LOXHD1: variants seen among roughly 807,000 people sequenced by gnomAD.
The protein encoded by LOXHD1 is lipoxygenase homology PLAT domains 1.
In LOXHD1, 205 loss-of-function variants were observed where a neutral mutation model predicts 248.2. The ratio of observed to expected loss-of-function variants is 0.83; its 90% confidence interval spans 0.74 to 0.93. The LOEUF (loss-of-function observed/expected upper bound fraction) is 0.93. Ranked by LOEUF, LOXHD1 falls within the 40% of genes least tolerant of loss-of-function variation. LOXHD1 has a pLI of 0.00. For synonymous variants in LOXHD1, 1,113 were observed against 1,162.8 expected (o/e 0.96, Z 0.87); for missense variants, 2,930 against 2,971.6 (o/e 0.99, Z 0.33).
At position 46,477,893 on chromosome 18, in the gene LOXHD1, A is replaced by G. The variant is rs753481464; in HGVS notation, c.6401T>C (p.Val2134Ala). 23 of 1,551,368 alleles carry G rather than the reference A, an allele frequency of 1.5e-5. No homozygotes were observed. The African/African-American group carries it at 3.0e-4, about 20-fold the overall frequency. The change falls in exon 41 of 41, where the codon GTA becomes GCA. Residue 2134 changes from valine (V) to alanine (A), a missense_variant. Physicochemically the swap from Val to Ala is moderately conservative, Grantham distance 64. Coordinates refer to ENST00000642948, the MANE Select transcript of LOXHD1 (RefSeq NM_001384474.1). ...PLKRKRKYFK[V>A]FEVTKTTESF... ...CTCTGTCGTCTTGGTAACCTCGAAT[A>G]CCTTGAAGTACTTCCTCTTCCTCTT...
chr18:46,614,739 A>AATAAATAT (rs1238043211), intron 5 of LOXHD1, among the ~76,000 whole-genome samples: 6 of 151,426 alleles, frequency 4.0e-5, no homozygotes, highest in Admixed American at 6.6e-5. Context: ...TAAATAAATA[A>AATAAATAT]ATAAATAACT....
intron 37 of LOXHD1, among the ~76,000 whole-genome samples, chr18:46,501,281 G>T (rs2034213504): frequency 6.6e-6 from 1 of 152,222 alleles, no homozygotes; most frequent in South Asian, 2.1e-4. Context: ...CTCAGATGAG[G>T]CTGAACAAGG....
intron 12 of LOXHD1, among the ~76,000 whole-genome samples, chr18:46,583,904 C>T (rs574609450): frequency 2.0e-5 from 3 of 151,966 alleles, no homozygotes; most frequent in Non-Finnish European, 2.9e-5. Context: ...ATGTTTATTG[C>T]ATCATCACTA....
chr18:46,492,170 T>C (rs1479012453), intron 37 of LOXHD1, among the ~76,000 whole-genome samples: 20 of 152,132 alleles, frequency 1.3e-4, no homozygotes, highest in Non-Finnish European at 2.9e-5. Flanking sequence ...AGCAGGATAG[T>C]AGAGAGTAGA....
At chr18:46,566,608 C>T (rs1402360019) in intron 16 of LOXHD1, among the ~76,000 whole-genome samples, 159 bp from the exon 17 acceptor site, 2 of 152,186 alleles carry the variant, frequency 1.3e-5, no homozygotes, top group African/African-American at 4.8e-5. Context: ...ATTCCTGCCC[C>T]ACCATCAGCC....
intron 38 of LOXHD1, among the ~76,000 whole-genome samples, chr18:46,487,808 C>A (rs895303669): frequency 8.5e-5 from 13 of 152,172 alleles, no homozygotes; most frequent in South Asian, 2.1e-4. Flanking sequence ...CGTACTGAGA[C>A]CACGGGAGCC....
At chr18:46,630,756 C>T (rs2038809495) in intron 4 of LOXHD1, among the ~76,000 whole-genome samples, 1 of 139,362 alleles carries the variant, frequency 7.2e-6, no homozygotes. Context: ...AAAGGGACAA[C>T]ATCAAAGTGG....
intron 8 of LOXHD1, 40 bp downstream of exon 8, chr18:46,601,177 G>A (rs1352435083): frequency 5.2e-6 from 8 of 1,536,858 alleles, no homozygotes; most frequent in Non-Finnish European, 6.2e-6. Flanking sequence ...AGAGGAGAGG[G>A]GTTGAATCAG....
chr18:46,587,605 C>A (rs1433809147), intron 12 of LOXHD1, among the ~76,000 whole-genome samples: 1 of 152,140 alleles, frequency 6.6e-6, no homozygotes, highest in Non-Finnish European at 1.5e-5. Context: ...TTGTTAGATA[C>A]CAGTAGTGAA....
rs187151904 is a variant in LOXHD1 at position 46,525,011 on chromosome 18, T to C, written c.4531-94A>G. The C allele has an allele frequency of 3.5e-3, 4,824 of 1,388,706 alleles. 10 individuals carry two copies. The highest frequency in any genetic ancestry group is 5.1e-3 in the Middle Eastern group (23 of 4,480). 86.0% of individuals were successfully genotyped at this position (1,388,706 alleles called of 1,614,324 possible). ...TTCTGGGACCTTCCTTCCCCCTCAG[T>C]TGCTGCACTGAACAGACCTTCTTTG... On this transcript the variant is annotated intron_variant, in intron 29 of 40. Transcript: ENST00000642948.
chr18:46,556,278 T>C (rs972835534), intron 21 of LOXHD1, among the ~76,000 whole-genome samples: 1 of 152,038 alleles, frequency 6.6e-6, no homozygotes, highest in Non-Finnish European at 1.5e-5. Context: ...ATCCCTGGTA[T>C]AGAATATTAA....
Position 46,601,511 on chromosome 18 carries a change from C to A in LOXHD1, c.884-44G>T, listed in dbSNP as rs1224744769. The A allele has an allele frequency of 3.9e-6, 6 of 1,551,332 alleles. No homozygotes were observed. The African/African-American group carries it at 8.2e-5, about 21-fold the overall frequency. ...GAAAGAGAGTGTTCAATGTGAGCTG[C>A]ATCATAATATCCCACCCCCTCCTCC... On this transcript the variant is annotated intron_variant, in intron 7 of 40. Transcript: ENST00000642948.
At chr18:46,541,016 A>C (rs998558923) in intron 25 of LOXHD1, among the ~76,000 whole-genome samples, 42 of 152,350 alleles carry the variant, frequency 2.8e-4, no homozygotes, top group Non-Finnish European at 5.4e-4. Context: ...TTAGTTAGAA[A>C]AAATTATATG....
chr18:46,516,740 C>T (rs2035270539), intron 34 of LOXHD1, among the ~76,000 whole-genome samples: 1 of 151,776 alleles, frequency 6.6e-6, no homozygotes, highest in Non-Finnish European at 1.5e-5. Flanking sequence ...ACCATCATCA[C>T]CATCATTATC....
chr18:46,555,069 G>A lies in LOXHD1; in HGVS notation c.3350+2287C>T, dbSNP rs114016563. On this transcript the variant is annotated intron_variant, in intron 21 of 40. Transcript: ENST00000642948. ...CTATAGATTGTAAAGCTATAATAATGTTTAAATTGTTGGGCTAGCCGAGAA... is the reference window on the plus strand; with the variant it reads ...CTATAGATTGTAAAGCTATAATAATATTTAAATTGTTGGGCTAGCCGAGAA... The A allele has an allele frequency of 3.2e-3, 1,505 of 469,660 alleles. 21 individuals are homozygous for A. The highest frequency in any genetic ancestry group is 0.026 in the African/African-American group (1,299 of 50,114). 29.1% of individuals were successfully genotyped at this position (469,660 alleles called of 1,614,324 possible). A position where few individuals can be genotyped will look rare whatever the true frequency, so the allele number is the denominator to read the frequency against.
intron 20 of LOXHD1, 75 bp from the exon 21 acceptor site, chr18:46,557,564 A>G: frequency 6.5e-7 from 1 of 1,532,612 alleles, no homozygotes; most frequent in Non-Finnish European, 8.8e-7. Context: ...CATCCTCCCA[A>G]GAACCAGGGC....
intron 21 of LOXHD1, among the ~76,000 whole-genome samples, chr18:46,551,152 G>C (rs1238397199): frequency 6.6e-6 from 1 of 150,644 alleles, no homozygotes. Context: ...TCCCAGACTG[G>C]AGTGCAGTGG....
At chr18:46,649,083 AC>A in intron 2 of LOXHD1, 71 bp downstream of exon 2, 2 of 1,290,976 alleles carry the variant, frequency 1.5e-6, no homozygotes, top group Non-Finnish European at 2.2e-6. Flanking sequence ...GAAGCAGGCC[AC>A]CCTTGGGTCC....
intron 38 of LOXHD1, 121 bp downstream of exon 38, chr18:46,488,851 A>G: frequency 9.4e-7 from 1 of 1,069,390 alleles, no homozygotes. Flanking sequence ...ATGTTTCCTC[A>G]TGCATATCTC....
Sources: allele counts gnomAD v4.1 joint callset (sites outside exome capture counted in the v4.1 genomes callset), GRCh38; gene constraint gnomAD v4.1.1; transcripts MANE v1.5; gene names NCBI Gene and HGNC (gene_info 2026-07-23, HGNC 2026-07-21).